The following NOP58 variants were observed in gnomAD, a reference collection of about 807,000 sequenced individuals.
NOP58 encodes the protein nucleolar protein 58.
Under a neutral mutation model 71.2 loss-of-function variants are expected in NOP58, and 44 were observed. That is an observed-to-expected ratio of 0.62 (90% CI 0.49 to 0.79). NOP58 has a LOEUF of 0.79. NOP58 is among the 30% of genes least tolerant of loss of function. NOP58 has a pLI of 0.00. For synonymous variants in NOP58, 228 were observed against 200.3 expected (o/e 1.14, Z -1.17); for missense variants, 538 against 620.2 (o/e 0.87, Z 1.41).
chr2:202,273,249 T>C (rs562624378), intron 1 of NOP58, among the ~76,000 whole-genome samples: 27 of 152,382 alleles, frequency 1.8e-4, no homozygotes, highest in African/African-American at 6.0e-4. Flanking sequence ...GACTATGTTA[T>C]GTCAGCCAAA....
intron 1 of NOP58, among the ~76,000 whole-genome samples, chr2:202,272,521 T>TA (rs1334066268): frequency 6.6e-6 from 1 of 152,178 alleles, no homozygotes; most frequent in African/African-American, 2.4e-5. Context: ...TAGAAAAACT[T>TA]AGAGTCACAC....
chr2:202,290,149 T>G (rs995287184), intron 6 of NOP58, among the ~76,000 whole-genome samples, 174 bp from the exon 7 acceptor site: 1 of 152,100 alleles, frequency 6.6e-6, no homozygotes, highest in African/African-American at 2.4e-5. Context: ...AGAGATGGGG[T>G]TTCACCATGT....
intron 12 of NOP58, among the ~76,000 whole-genome samples, chr2:202,298,449 A>C (rs1689034736): frequency 1.3e-5 from 2 of 152,126 alleles, no homozygotes; most frequent in African/African-American, 2.4e-5. Context: ...TCAGGAGTTC[A>C]ACACAGGCCT....
At chr2:202,276,468 A>G (rs762830714) in intron 2 of NOP58, 21 of 515,670 alleles carry the variant, frequency 4.1e-5, no homozygotes, top group South Asian at 3.0e-4. Context: ...TTGGAACTGA[A>G]TCTAAGTGAT....
intron 1 of NOP58, among the ~76,000 whole-genome samples, chr2:202,274,252 T>C (rs1170687514): frequency 6.6e-6 from 1 of 151,746 alleles, no homozygotes. Flanking sequence ...TGAGATGGAG[T>C]TTTTTGCTCT....
At position 202,275,136 on chromosome 2, in the gene NOP58, A is replaced by G. The variant is rs781761810; in HGVS notation, c.69A>G (p.Gln23=). 3.3e-5 allele frequency: 52 copies of G among 1,566,276 alleles called. No individual in the cohort carries two copies. The highest frequency in any genetic ancestry group is 8.7e-6 in the Non-Finnish European group (10 of 1,147,150). ...IFKVLNEKKL[Q]EVDSLWKEFE... ...AGGTTCTAAATGAGAAGAAACTTCA[A>G]GAGGTTGATAGTTTATGGAAAGAAT... The change falls in exon 2 of 15, where the codon CAA becomes CAG. Residue 23 remains glutamine (Q), a synonymous_variant. Transcript: ENST00000264279.
intron 1 of NOP58, among the ~76,000 whole-genome samples, chr2:202,268,818 G>A (rs997821434): frequency 3.3e-5 from 5 of 151,776 alleles, no homozygotes; most frequent in Admixed American, 3.3e-4. Flanking sequence ...TCCATGTTGA[G>A]GCTGGTCTCG....
intron 9 of NOP58, among the ~76,000 whole-genome samples, chr2:202,295,093 G>T (rs1161109845): frequency 2.6e-5 from 4 of 152,128 alleles, no homozygotes; most frequent in Non-Finnish European, 5.9e-5. Flanking sequence ...TTCATGTCCT[G>T]GGGGGAGCTG....
chr2:202,296,135 C>T (rs906456457), intron 10 of NOP58, among the ~76,000 whole-genome samples: 4 of 151,968 alleles, frequency 2.6e-5, no homozygotes. Context: ...AAAAAAAAAT[C>T]TAACATTTAC....
At position 202,303,415 on chromosome 2, in the gene NOP58, AAAG is replaced by A; in HGVS notation, c.1571_1573del (p.Lys524del). On this transcript the variant is annotated inframe_deletion, in exon 15 of 15. Coordinates refer to ENST00000264279, the MANE Select transcript of NOP58 (RefSeq NM_015934.5). Reference sequence around the variant, plus strand: ...CAGAGAAAAAGAAGAAAAAGAAAAAAAAGAGAGAGAACGAGGATTAACAGAAAG... The same window carrying A: ...CAGAGAAAAAGAAGAAAAAGAAAAAAAGAGAGAACGAGGATTAACAGAAAG... 4 of 1,612,218 alleles carry A rather than the reference AAAG, an allele frequency of 2.5e-6. No individual in the cohort carries two copies. The highest frequency in any genetic ancestry group is 2.5e-6 in the Non-Finnish European group (3 of 1,179,084).
chr2:202,277,878 C>G, intron 2 of NOP58, 72 bp from the exon 3 acceptor site: 1 of 801,120 alleles, frequency 1.2e-6, no homozygotes, highest in South Asian at 1.5e-5. Flanking sequence ...GCACTTCTTT[C>G]CAAGTTATGT....
chr2:202,292,602 C>T (rs927213853), intron 8 of NOP58, among the ~76,000 whole-genome samples, 175 bp from the exon 9 acceptor site: 6 of 151,596 alleles, frequency 4.0e-5, no homozygotes, highest in Admixed American at 1.3e-4. Flanking sequence ...TGCGCCACTG[C>T]GCTCCAGCCT....
At chr2:202,299,859 T>C (rs73990244) in intron 12 of NOP58, 10,409 of 145,808 alleles carry the variant, frequency 0.071, 1,209 homozygotes, top group African/African-American at 0.25. Flanking sequence ...TTTTTTTTTT[T>C]TCCCCCATTG....
At chr2:202,291,085 G>A (rs1416185652) in intron 7 of NOP58, 40 bp from the exon 8 acceptor site, 2 of 1,507,880 alleles carry the variant, frequency 1.3e-6, no homozygotes, top group Non-Finnish European at 1.8e-6. Context: ...ATAATTTGTT[G>A]AAGAGTGATT....
At chr2:202,266,577 A>T (rs767410829) in intron 1 of NOP58, among the ~76,000 whole-genome samples, 3 of 152,120 alleles carry the variant, frequency 2.0e-5, no homozygotes, top group Non-Finnish European at 2.9e-5. Flanking sequence ...CGGCCTCCCA[A>T]AGTGCTGGGA....
chr2:202,294,818 T>C (rs1345199781), intron 9 of NOP58, among the ~76,000 whole-genome samples: 2 of 151,756 alleles, frequency 1.3e-5, no homozygotes, highest in East Asian at 3.9e-4. Context: ...CAAAAAAAAA[T>C]TAGCTGGGTG....
chr2:202,286,377 C>T (rs571442546), intron 5 of NOP58, among the ~76,000 whole-genome samples: 8 of 149,582 alleles, frequency 5.3e-5, no homozygotes, highest in South Asian at 2.1e-4. Context: ...TGGTGGCGGG[C>T]GCCTGTAGTC....
intron 3 of NOP58, among the ~76,000 whole-genome samples, chr2:202,281,086 T>A (rs189988926): frequency 6.8e-4 from 104 of 152,116 alleles, no homozygotes; most frequent in African/African-American, 2.0e-3. Flanking sequence ...CCTTGGAAAT[T>A]GTTGATAGAC....
intron 14 of NOP58, 81 bp from the exon 15 acceptor site, chr2:202,303,305 G>T: frequency 6.4e-7 from 1 of 1,570,716 alleles, no homozygotes; most frequent in Non-Finnish European, 8.6e-7. Flanking sequence ...TTTTTTATAG[G>T]TGGGGTTTTT....
Sources: allele counts gnomAD v4.1 joint callset (sites outside exome capture counted in the v4.1 genomes callset), GRCh38; gene constraint gnomAD v4.1.1; transcripts MANE v1.5; gene names NCBI Gene and HGNC (gene_info 2026-07-23, HGNC 2026-07-21).